PRKAG2: variants seen among roughly 807,000 people sequenced by gnomAD.
PRKAG2 encodes the protein 5'-AMP-activated protein kinase subunit gamma-2.
In PRKAG2, 26 loss-of-function variants were observed where a neutral mutation model predicts 69.6. That is an observed-to-expected ratio of 0.37 (90% CI 0.27 to 0.52). The LOEUF (loss-of-function observed/expected upper bound fraction) is 0.52, where lower values mean the gene tolerates loss of function less well. PRKAG2 is among the 20% of genes least tolerant of loss of function. The pLI is 0.90. For synonymous variants in PRKAG2, 293 were observed against 285.0 expected, an observed-to-expected ratio of 1.03 and a Z score of -0.28; for missense variants, 557 against 740.0, an observed-to-expected ratio of 0.75 and a Z score of 2.87.
At chr7:151,755,652 G>C (rs2075032564) in intron 3 of PRKAG2, among the ~76,000 whole-genome samples, 1 of 152,244 alleles carries the variant, frequency 6.6e-6, no homozygotes, top group Non-Finnish European at 1.5e-5. Flanking sequence ...TGCACCATTA[G>C]TTTATACTTT....
chr7:151,751,421 G>A (rs907226805), intron 3 of PRKAG2, among the ~76,000 whole-genome samples: 4 of 151,742 alleles, frequency 2.6e-5, no homozygotes, highest in African/African-American at 9.7e-5. Context: ...CCGGCCCAAA[G>A]ATGCCATATT....
chr7:151,606,393 G>A (rs1817572982), intron 5 of PRKAG2, among the ~76,000 whole-genome samples: 1 of 152,102 alleles, frequency 6.6e-6, no homozygotes, highest in African/African-American at 2.4e-5. Context: ...TTACATTATG[G>A]TGAAGTCTCA....
At chr7:151,776,884 G>A (rs1461038621) in intron 3 of PRKAG2, among the ~76,000 whole-genome samples, 1 of 152,184 alleles carries the variant, frequency 6.6e-6, no homozygotes, top group Non-Finnish European at 1.5e-5. Context: ...GAGGCCTTCA[G>A]GTACATTGCA....
chr7:151,859,026 T>C (rs1449416260), intron 1 of PRKAG2, among the ~76,000 whole-genome samples: 1 of 152,162 alleles, frequency 6.6e-6, no homozygotes, highest in Non-Finnish European at 1.5e-5. Context: ...TTCAGAAACT[T>C]CTCAGATCAA....
chr7:151,775,091 T>C (rs1011430559), intron 3 of PRKAG2, among the ~76,000 whole-genome samples: 1 of 152,230 alleles, frequency 6.6e-6, no homozygotes, highest in Non-Finnish European at 1.5e-5. Context: ...CAATTGTATG[T>C]AGGCTCGTTG....
In PRKAG2 at chr7:151,556,802, C is replaced by G. The variant is rs112179332; in HGVS notation, c.*399G>C. On this transcript the variant is annotated 3_prime_UTR_variant, in exon 16 of 16. Transcript: ENST00000287878. ...AGCTCGGTGTTGTTTCACACGCGTG[C>G]GCCCCGGCTGCGGCGGTGACATATT... The G allele has an allele frequency of 1.0e-5, 2 of 199,478 alleles. No individual in the cohort carries two copies. Among genetic ancestry groups the G allele is most frequent in the Non-Finnish European group, 1.0e-5 (1 of 96,778 alleles). The allele number at this position is 199,478 out of a possible 1,614,324, so 12.4% of individuals were successfully genotyped here. A position where few individuals can be genotyped will look rare whatever the true frequency, so the allele number is the denominator to read the frequency against.
intron 4 of PRKAG2, among the ~76,000 whole-genome samples, chr7:151,669,887 T>TGCACACACCTGCATGCACATACCTGCAC (rs1831634770): frequency 2.3e-5 from 3 of 133,328 alleles, no homozygotes; most frequent in Non-Finnish European, 3.2e-5. Flanking sequence ...CACAGTTGCA[T>TGCACACACCTGCATGCACATACCTGCAC]GCACACACAC....
At chr7:151,675,773 C>T (rs116298234) in intron 3 of PRKAG2, 136 bp from the exon 4 acceptor site, 10 of 819,262 alleles carry the variant, frequency 1.2e-5, no homozygotes, top group African/African-American at 1.2e-4. Flanking sequence ...ACGTCGGGGG[C>T]AGTCAGAGGT....
intron 3 of PRKAG2, among the ~76,000 whole-genome samples, chr7:151,722,282 C>T (rs943915491): frequency 6.6e-6 from 1 of 152,140 alleles, no homozygotes; most frequent in African/African-American, 2.4e-5. Context: ...TTCCTCCTGA[C>T]GAGCTATGTT....
At chr7:151,795,154 C>T (rs1256425526) in intron 1 of PRKAG2, among the ~76,000 whole-genome samples, 3 of 152,200 alleles carry the variant, frequency 2.0e-5, no homozygotes, top group Admixed American at 2.0e-4. Flanking sequence ...TCTGAGATCC[C>T]CCAGAAGGAG....
intron 1 of PRKAG2, among the ~76,000 whole-genome samples, chr7:151,803,437 C>G (rs984542277): frequency 9.9e-5 from 15 of 152,170 alleles, no homozygotes; most frequent in African/African-American, 3.4e-4. Context: ...ATTTGAGCAG[C>G]AGTGGCTCAC....
chr7:151,577,763 A>C (rs569778991), intron 6 of PRKAG2, among the ~76,000 whole-genome samples: 5 of 152,300 alleles, frequency 3.3e-5, no homozygotes, highest in Non-Finnish European at 5.9e-5. Flanking sequence ...ACCAATGAGA[A>C]AAAAAATCAA....
chr7:151,839,331 C>T (rs927924509), intron 1 of PRKAG2, among the ~76,000 whole-genome samples: 4 of 152,186 alleles, frequency 2.6e-5, no homozygotes, highest in South Asian at 2.1e-4. Flanking sequence ...GGCCGGGCAC[C>T]GCGGTCGGAA....
chr7:151,793,930 G>A (rs1049019934), intron 1 of PRKAG2, among the ~76,000 whole-genome samples: 2 of 152,254 alleles, frequency 1.3e-5, no homozygotes, highest in Non-Finnish European at 2.9e-5. Flanking sequence ...GAAGGCCTAA[G>A]CTCCACTCTC....
At chr7:151,815,358 A>T (rs1042325801) in intron 1 of PRKAG2, among the ~76,000 whole-genome samples, 1 of 152,074 alleles carries the variant, frequency 6.6e-6, no homozygotes, top group East Asian at 1.9e-4. Flanking sequence ...GATAGTAAGC[A>T]ACTCATCTGT....
chr7:151,709,511 T>C (rs1839195571), intron 3 of PRKAG2, among the ~76,000 whole-genome samples: 1 of 152,114 alleles, frequency 6.6e-6, no homozygotes, highest in African/African-American at 2.4e-5. Flanking sequence ...TGACATGAGA[T>C]TGACACTGAG....
intron 1 of PRKAG2, among the ~76,000 whole-genome samples, chr7:151,853,949 A>G (rs1563755486): frequency 6.6e-6 from 1 of 151,968 alleles, no homozygotes. Context: ...CGAAAAACCA[A>G]AAACAAATAG....
rs1456534674 is a variant in PRKAG2, at chr7:151,567,047, T to G, written c.1234-1162A>C. ...GAAGCAGCTCTGCAAAAGAATGATC[T>G]CACGCTTTTACTCCCTCTTGTGCAA... On this transcript the variant is annotated intron_variant, in intron 11 of 15. Coordinates refer to ENST00000287878, the MANE Select transcript of PRKAG2 (RefSeq NM_016203.4). The surrounding 1 kb of genome is among the most constrained non-coding windows in gnomAD (Gnocchi z 4.2). Among the ~76,000 whole-genome samples, 1 of 152,236 alleles carries G rather than the reference T, an allele frequency of 6.6e-6. No homozygotes were observed. Among genetic ancestry groups the G allele is most frequent in the African/African-American group, 2.4e-5 (1 of 41,466 alleles).
chr7:151,871,659 C>T (rs540169492), intron 1 of PRKAG2, among the ~76,000 whole-genome samples: 6 of 152,346 alleles, frequency 3.9e-5, no homozygotes, highest in Admixed American at 2.0e-4. Context: ...TCTCCACCAC[C>T]GTCCACTACC....
Sources: allele counts gnomAD v4.1 joint callset (sites outside exome capture counted in the v4.1 genomes callset), GRCh38; gene constraint gnomAD v4.1.1; non-coding constraint Gnocchi (gnomAD v3.1); transcripts MANE v1.5; gene names NCBI Gene and HGNC (gene_info 2026-07-23, HGNC 2026-07-21).